HIKESHI: variants seen among roughly 807,000 people sequenced by gnomAD.
HIKESHI encodes protein Hikeshi.
Under a neutral mutation model 25.7 loss-of-function variants are expected in HIKESHI, and 13 were observed. The ratio of observed to expected loss-of-function variants is 0.51; its 90% CI spans 0.33 to 0.80. HIKESHI has a LOEUF of 0.80. Among genes scored for constraint, HIKESHI ranks in the 30% least tolerant of loss-of-function variants. The pLI is 0.02. For synonymous variants in HIKESHI, 76 were observed against 78.7 expected, an observed-to-expected ratio of 0.97 and a Z score of 0.18; for missense variants, 174 against 229.5, an observed-to-expected ratio of 0.76 and a Z score of 1.56.
At chr11:86,339,835 T>C (rs144162903) in intron 3 of HIKESHI, among the ~76,000 whole-genome samples, 1,572 of 152,288 alleles carry the variant, frequency 0.01, 7 homozygotes, top group Middle Eastern at 0.034. Context: ...CATGTTGGTG[T>C]GCTGCACCTA....
chr11:86,305,915 G>C (rs1479578412), intron 1 of HIKESHI, among the ~76,000 whole-genome samples: 2 of 151,890 alleles, frequency 1.3e-5, no homozygotes, highest in East Asian at 3.9e-4. Flanking sequence ...GCTAGTTTTT[G>C]TATTTTTAGG....
chr11:86,302,553 C>T, intron 1 of HIKESHI, 75 bp downstream of exon 1: 1 of 1,507,582 alleles, frequency 6.6e-7, no homozygotes, highest in Non-Finnish European at 9.0e-7. Context: ...GGAGGGTGCG[C>T]AGGCGCTAGG....
In HIKESHI at chr11:86,344,631, A is replaced by G; in HGVS notation, c.449A>G (p.Tyr150Cys). Residue 150 changes from tyrosine to cysteine, a missense_variant, in exon 4 of 5, where the codon TAC becomes TGC. Transcript: ENST00000278483. ...QFTQKMLDNFYNFASSFAVSQ... is the reference protein window; with the variant it reads ...QFTQKMLDNFCNFASSFAVSQ... Reference sequence around the variant, plus strand: ...ACACAAAAGATGTTGGACAATTTCTACAATTTTGCTTCATCATTTGCTGTC... The same window carrying G: ...ACACAAAAGATGTTGGACAATTTCTGCAATTTTGCTTCATCATTTGCTGTC... The G allele has an allele frequency of 3.1e-6, 5 of 1,606,330 alleles. No individual in the cohort carries two copies. Among genetic ancestry groups the G allele is most frequent in the Non-Finnish European group, 4.3e-6 (5 of 1,174,112 alleles).
rs1947596376 is a variant in HIKESHI at position 86,337,420 on chromosome 11, C to T, written c.310C>T (p.Arg104Ter). ...QHPFGAMNIVRTPSVAQIGIS... is the reference protein window; with the variant it reads ...QHPFGAMNIV ...TCCTTTTGGAGCCATGAATATTGTC[C>T]GAACTCCATCTGTTGCTCAGATTGG... The change falls in exon 3 of 5, where the codon CGA (arginine) becomes TGA (stop). Residue 104 changes from arginine to a stop codon, truncating the protein, a stop_gained. Coordinates refer to ENST00000278483, the MANE Select transcript of HIKESHI (RefSeq NM_016401.4). LOFTEE classifies it high-confidence loss of function. 3.1e-6 allele frequency: 5 copies of T among 1,613,808 alleles called. No homozygotes were observed. The highest frequency in any genetic ancestry group is 1.1e-5 in the South Asian group (1 of 91,044).
At chr11:86,319,234 A>AT (rs1226979357) in intron 2 of HIKESHI, among the ~76,000 whole-genome samples, 1 of 90,724 alleles carries the variant, frequency 1.1e-5, no homozygotes, top group African/African-American at 5.4e-5. Flanking sequence ...ATATATATAT[A>AT]TATATATATT....
intron 2 of HIKESHI, among the ~76,000 whole-genome samples, chr11:86,310,966 G>A (rs2138310212): frequency 6.6e-6 from 1 of 152,166 alleles, no homozygotes; most frequent in East Asian, 1.9e-4. Flanking sequence ...CGGTTTGCCA[G>A]TATTTTATTG....
chr11:86,329,185 G>C (rs1216585708), intron 2 of HIKESHI, among the ~76,000 whole-genome samples: 3 of 98,492 alleles, frequency 3.0e-5, no homozygotes, highest in Non-Finnish European at 6.2e-5. Context: ...AAAACGTGAT[G>C]AGTTAAAAAA....
intron 2 of HIKESHI, among the ~76,000 whole-genome samples, chr11:86,309,900 C>T (rs291207): frequency 0.62 from 93,906 of 151,572 alleles, 29,258 homozygotes; most frequent in East Asian, 0.79. Context: ...GTATTATTTC[C>T]GAGGGCTCTA....
At chr11:86,340,731 G>C (rs188764047) in intron 3 of HIKESHI, among the ~76,000 whole-genome samples, 3 of 152,196 alleles carry the variant, frequency 2.0e-5, no homozygotes, top group Non-Finnish European at 4.4e-5. Flanking sequence ...TGCAACCTCT[G>C]CCTCTCAGGT....
intron 3 of HIKESHI, 47 bp from the exon 4 acceptor site, chr11:86,344,556 A>G: frequency 9.3e-7 from 1 of 1,080,090 alleles, no homozygotes; most frequent in Non-Finnish European, 1.4e-6. Context: ...ATTGAGTTCT[A>G]AATGAAGTAT....
intron 2 of HIKESHI, among the ~76,000 whole-genome samples, chr11:86,319,768 T>C (rs1483264002): frequency 6.6e-6 from 1 of 152,116 alleles, no homozygotes; most frequent in Non-Finnish European, 1.5e-5. Context: ...TACTTGGACT[T>C]AGAGGTTTAA....
rs945694901 is a variant in HIKESHI, at chr11:86,311,664, G to T, written c.268+5182G>T. 8.5e-5 allele frequency among the ~76,000 whole-genome samples: 13 copies of T among 152,138 alleles called. No homozygotes were observed. The East Asian group carries it at 2.3e-3, about 27-fold the overall frequency. On this transcript the variant is annotated intron_variant, in intron 2 of 4. Transcript: ENST00000278483. ...TAATTGTGACGTTAGGGTGTCAATT[G>T]TAGATCTTTCCTGCTTTCTCTTGTG...
intron 2 of HIKESHI, among the ~76,000 whole-genome samples, chr11:86,319,352 C>G (rs1947092176): frequency 6.6e-6 from 1 of 150,632 alleles, no homozygotes; most frequent in Non-Finnish European, 1.5e-5. Context: ...ATCCTCCCAC[C>G]TCAGCCTCCC....
intron 2 of HIKESHI, among the ~76,000 whole-genome samples, chr11:86,312,870 A>G (rs975161360): frequency 2.6e-5 from 4 of 152,200 alleles, no homozygotes; most frequent in Admixed American, 2.6e-4. Flanking sequence ...TTCTTTAAGA[A>G]TGTTGAATAT....
At chr11:86,342,478 CGTGTGTGTGTGTGTGTGTGTGTGTGT>C (rs34980731) in intron 3 of HIKESHI, among the ~76,000 whole-genome samples, 1 of 147,356 alleles carries the variant, frequency 6.8e-6, no homozygotes, top group Non-Finnish European at 1.5e-5. Context: ...TAAAGATGTT[CGTGTGTGTGTGTGTGTGTGTGTGTGT>C]GTGTGTGTGT....
intron 2 of HIKESHI, among the ~76,000 whole-genome samples, chr11:86,331,061 T>G (rs889528136): frequency 6.6e-6 from 1 of 151,602 alleles, no homozygotes; most frequent in African/African-American, 2.4e-5. Context: ...GCAGTGCAAG[T>G]TTTTTTTTGT....
chr11:86,330,823 A>G (rs566028061), intron 2 of HIKESHI, among the ~76,000 whole-genome samples: 23 of 152,370 alleles, frequency 1.5e-4, no homozygotes, highest in African/African-American at 5.0e-4. Flanking sequence ...TAGCAGTATC[A>G]TAAATTGTCA....
intron 2 of HIKESHI, among the ~76,000 whole-genome samples, chr11:86,323,608 G>A (rs1281475895): frequency 6.6e-6 from 1 of 152,128 alleles, no homozygotes; most frequent in Non-Finnish European, 1.5e-5. Context: ...TTTGGAATGG[G>A]GCACAGTATT....
rs1175711942 is a variant in HIKESHI at position 86,302,291 on chromosome 11, CAG to C, written c.-155_-154del. On this transcript the variant is annotated 5_prime_UTR_variant, in exon 1 of 5. Coordinates refer to ENST00000278483, the MANE Select transcript of HIKESHI (RefSeq NM_016401.4). ...AAGAGAAGGTCAGAGTTCGCGGGGG[CAG>C]AGGCATTCTTGCCGCTGGCCCAGTC... is the stretch of plus-strand genomic sequence containing the variant. 1.2e-4 allele frequency: 94 copies of C among 813,934 alleles called. No homozygotes were observed. The highest frequency in any genetic ancestry group is 2.2e-4 in the Middle Eastern group (1 of 4,480). The allele number at this position is 813,934 out of a possible 1,614,324, so 50.4% of individuals were successfully genotyped here.
Sources: allele counts gnomAD v4.1 joint callset (sites outside exome capture counted in the v4.1 genomes callset), GRCh38; gene constraint gnomAD v4.1.1; transcripts MANE v1.5; gene names NCBI Gene and HGNC (gene_info 2026-07-23, HGNC 2026-07-21).